PTPRD: variants seen among roughly 807,000 people sequenced by gnomAD.
PTPRD encodes the protein protein tyrosine phosphatase receptor type D.
In PTPRD, 34 loss-of-function variants were observed where a neutral mutation model predicts 214.5. That is an observed-to-expected ratio of 0.16 (90% CI 0.12 to 0.21). PTPRD has a LOEUF of 0.21. Among genes scored for constraint, PTPRD ranks in the 10% least tolerant of loss-of-function variants. The probability of loss-of-function intolerance (pLI) is 1.00; values close to 1 mark genes in which losing one functional copy is unlikely to be tolerated. For synonymous variants in PTPRD, 1,128 were observed against 845.7 expected, an observed-to-expected ratio of 1.33 and a Z score of -5.79; for missense variants, 2,545 against 2,398.7, an observed-to-expected ratio of 1.06 and a Z score of -1.27.
At chr9:10,372,825 T>G (rs1156991284) in intron 2 of PTPRD, among the ~76,000 whole-genome samples, 4 of 122,720 alleles carry the variant, frequency 3.3e-5, no homozygotes, top group Non-Finnish European at 4.9e-5. Flanking sequence ...TGCAAAATAT[T>G]TGTTTTTATA....
At chr9:9,914,439 G>C (rs555906187) in intron 5 of PTPRD, among the ~76,000 whole-genome samples, 2 of 152,150 alleles carry the variant, frequency 1.3e-5, no homozygotes, top group African/African-American at 4.8e-5. Context: ...GTGTAGCCAC[G>C]TCAGGGGCCT....
chr9:9,172,506 C>T (rs1462519621), intron 10 of PTPRD, among the ~76,000 whole-genome samples: 2 of 152,142 alleles, frequency 1.3e-5, no homozygotes, highest in African/African-American at 4.8e-5. Flanking sequence ...GATTAAGCAG[C>T]ATTATCTCGG....
At chr9:8,400,722 A>G (rs1242131636) in intron 36 of PTPRD, among the ~76,000 whole-genome samples, 3 of 152,176 alleles carry the variant, frequency 2.0e-5, no homozygotes, top group Admixed American at 1.3e-4. Context: ...TATTATTTAT[A>G]TTCTGTGTGA....
At chr9:8,475,007 A>G (rs1234919982) in intron 30 of PTPRD, among the ~76,000 whole-genome samples, 1 of 152,082 alleles carries the variant, frequency 6.6e-6, no homozygotes, top group Admixed American at 6.5e-5. Flanking sequence ...CCATGTACAA[A>G]TATGTGTCAT....
intron 8 of PTPRD, among the ~76,000 whole-genome samples, chr9:9,420,098 T>C (rs927073172): frequency 3.0e-4 from 18 of 59,090 alleles, no homozygotes; most frequent in Admixed American, 2.3e-3. Context: ...GTGTAATGAC[T>C]ACCAGACACT....
At chr9:9,881,115 A>G (rs2068540106) in intron 5 of PTPRD, among the ~76,000 whole-genome samples, 1 of 152,164 alleles carries the variant, frequency 6.6e-6, no homozygotes, top group African/African-American at 2.4e-5. Flanking sequence ...CAGTGAAGTG[A>G]AACTTCACTC....
At chr9:8,754,258 TTTTATAA>T (rs1490350236) in intron 11 of PTPRD, among the ~76,000 whole-genome samples, 2 of 152,200 alleles carry the variant, frequency 1.3e-5, no homozygotes, top group African/African-American at 2.4e-5. Context: ...GAAAAACTAA[TTTTATAA>T]TTTATAAGAA....
intron 10 of PTPRD, among the ~76,000 whole-genome samples, chr9:9,088,326 G>A (rs1032208003): frequency 2.7e-4 from 41 of 151,704 alleles, no homozygotes; most frequent in African/African-American, 9.9e-4. Context: ...GGTGGCTCAC[G>A]CCTGTGGTCC....
At chr9:10,145,862 A>C (rs1592325868) in intron 3 of PTPRD, among the ~76,000 whole-genome samples, 1 of 152,114 alleles carries the variant, frequency 6.6e-6, no homozygotes. Context: ...GCAAAATGAA[A>C]ATTATTCAAA....
At chr9:8,446,574 T>C (rs1010990293) in intron 34 of PTPRD, among the ~76,000 whole-genome samples, 13 of 152,226 alleles carry the variant, frequency 8.5e-5, no homozygotes, top group African/African-American at 2.9e-4. Flanking sequence ...AGGCATCTTA[T>C]TTCATTGAAA....
intron 7 of PTPRD, among the ~76,000 whole-genome samples, chr9:9,619,791 C>G (rs975870090): frequency 6.9e-6 from 1 of 145,642 alleles, no homozygotes; most frequent in Non-Finnish European, 1.5e-5. Flanking sequence ...AAATATCTAT[C>G]TATATAGAAA....
intron 11 of PTPRD, among the ~76,000 whole-genome samples, chr9:8,930,357 A>G (rs936016703): frequency 9.9e-5 from 15 of 152,014 alleles, no homozygotes; most frequent in African/African-American, 3.4e-4. Context: ...AATCCAGTCT[A>G]TCATTGTTGG....
intron 11 of PTPRD, among the ~76,000 whole-genome samples, chr9:8,763,783 T>C (rs1045925174): frequency 2.8e-4 from 43 of 151,734 alleles, no homozygotes; most frequent in African/African-American, 1.0e-3. Context: ...TTATATCAAA[T>C]AAAAATGTCC....
chr9:9,654,879 G>C (rs1057460618), intron 7 of PTPRD, among the ~76,000 whole-genome samples: 1 of 152,012 alleles, frequency 6.6e-6, no homozygotes, highest in African/African-American at 2.4e-5. Context: ...ATTGGTCATA[G>C]CAATGATATA....
At chr9:8,340,313 T>G (rs1332176553) in intron 42 of PTPRD, 30 bp downstream of exon 42, 1 of 1,568,430 alleles carries the variant, frequency 6.4e-7, no homozygotes, top group Admixed American at 1.7e-5. Context: ...AAATGTCTTA[T>G]GAGGAGACAC....
chr9:10,059,038 G>A (rs966448961), intron 3 of PTPRD, among the ~76,000 whole-genome samples: 1 of 152,040 alleles, frequency 6.6e-6, no homozygotes, highest in South Asian at 2.1e-4. Context: ...GTATGTACAT[G>A]CTAAGTTGAA....
At chr9:10,326,398 AG>A (rs1261826957) in intron 3 of PTPRD, among the ~76,000 whole-genome samples, 1 of 151,796 alleles carries the variant, frequency 6.6e-6, no homozygotes, top group Non-Finnish European at 1.5e-5. Flanking sequence ...AACTAAACAA[AG>A]TTTAAAGTAC....
chr9:8,838,248 A>C (rs79945398), intron 11 of PTPRD, among the ~76,000 whole-genome samples: 30 of 121,990 alleles, frequency 2.5e-4, no homozygotes, highest in African/African-American at 8.3e-4. Context: ...ACTTCAAATT[A>C]AAAAAAAAAG....
At chr9:9,365,826 C>T (rs574968186) in intron 9 of PTPRD, among the ~76,000 whole-genome samples, 7 of 151,280 alleles carry the variant, frequency 4.6e-5, no homozygotes, top group African/African-American at 1.7e-4. Context: ...AATCTATAAC[C>T]CTTAGAATAT....
Sources: allele counts gnomAD v4.1 joint callset (sites outside exome capture counted in the v4.1 genomes callset), GRCh38; gene constraint gnomAD v4.1.1; transcripts MANE v1.5; gene names NCBI Gene and HGNC (gene_info 2026-07-23, HGNC 2026-07-21).